EML6: variants seen among roughly 807,000 people sequenced by gnomAD.
EML6 encodes the protein EMAP like 6.
EML6 carries 154 observed loss-of-function variants against 240.1 expected under a neutral mutation model. The observed-to-expected ratio is 0.64, with a 90% confidence interval of 0.56 to 0.73. The LOEUF (loss-of-function observed/expected upper bound fraction) is 0.73. EML6 is among the 30% of genes least tolerant of loss of function. The pLI, the probability that EML6 is intolerant of heterozygous loss-of-function variation, is 0.00. For missense variants in EML6, 2,964 were observed against 2,474.6 expected, an observed-to-expected ratio of 1.20 and a Z score of -4.20; for synonymous variants, 1,148 against 899.0, an observed-to-expected ratio of 1.28 and a Z score of -4.95.
At chr2:54,748,606 C>T (rs1488924440) in intron 2 of EML6, among the ~76,000 whole-genome samples, 2 of 152,044 alleles carry the variant, frequency 1.3e-5, no homozygotes, top group East Asian at 3.9e-4. Context: ...GTAGCCTACA[C>T]TGGAGTGCAG....
chr2:54,949,545 T>C (rs980726048), intron 29 of EML6, among the ~76,000 whole-genome samples: 1 of 152,152 alleles, frequency 6.6e-6, no homozygotes, highest in Non-Finnish European at 1.5e-5. Flanking sequence ...GAGACTAGGC[T>C]CTCATAAAGT....
chr2:54,962,415 G>A, intron 35 of EML6, 108 bp from the exon 36 acceptor site: 1 of 856,924 alleles, frequency 1.2e-6, no homozygotes, highest in Non-Finnish European at 1.8e-6. Flanking sequence ...TTCACCGGCA[G>A]TCATCATTCT....
intron 32 of EML6, among the ~76,000 whole-genome samples, chr2:54,956,369 T>G (rs1467601378): frequency 6.6e-6 from 1 of 151,684 alleles, no homozygotes; most frequent in Admixed American, 6.6e-5. Context: ...GTAATCTACC[T>G]GTTCAAATCC....
chr2:54,940,332 T>TA (rs528265994), intron 28 of EML6, among the ~76,000 whole-genome samples: 3 of 152,212 alleles, frequency 2.0e-5, no homozygotes, highest in Admixed American at 1.3e-4. Context: ...ACTGTGGGCT[T>TA]AAAAAAATTT....
At chr2:54,844,852 T>C (rs1402674345) in intron 8 of EML6, among the ~76,000 whole-genome samples, 6 of 152,358 alleles carry the variant, frequency 3.9e-5, no homozygotes, top group East Asian at 3.9e-4. Context: ...CAATGACTTA[T>C]GATTCCAGTA....
At chr2:54,956,664 T>C (rs1676248169) in intron 32 of EML6, among the ~76,000 whole-genome samples, 1 of 152,098 alleles carries the variant, frequency 6.6e-6, no homozygotes, top group South Asian at 2.1e-4. Flanking sequence ...AGAGATTCTG[T>C]TAGGGAGTAT....
intron 2 of EML6, among the ~76,000 whole-genome samples, chr2:54,777,721 C>G (rs1668663184): frequency 1.3e-5 from 2 of 152,254 alleles, no homozygotes; most frequent in Middle Eastern, 3.4e-3. Context: ...ATTTCAGGAG[C>G]AGGAGGAGCC....
Position 54,850,235 on chromosome 2 carries a change from C to A in EML6, c.1444+17C>A, listed in dbSNP as rs1365085950. ...GAATGCCATGTAAGTCATGTGGAGG[C>A]CTTGGATGTTTCTGGAAAGCAAAAT... On this transcript the variant is annotated intron_variant, in intron 10 of 41. Transcript: ENST00000356458. The A allele has an allele frequency of 6.5e-7, 1 of 1,544,118 alleles. No individual in the cohort carries two copies. The highest frequency in any genetic ancestry group is 8.8e-7 in the Non-Finnish European group (1 of 1,141,432).
chr2:54,830,411 G>T (rs1668810698), intron 7 of EML6, among the ~76,000 whole-genome samples: 1 of 152,138 alleles, frequency 6.6e-6, no homozygotes, highest in Non-Finnish European at 1.5e-5. Context: ...TTGTTGTGAA[G>T]GGGAATCTTT....
intron 2 of EML6, among the ~76,000 whole-genome samples, chr2:54,771,022 T>C (rs1171234921): frequency 2.0e-5 from 3 of 152,158 alleles, no homozygotes; most frequent in African/African-American, 7.2e-5. Flanking sequence ...TCAAAGGCTC[T>C]GTTTTGGGTT....
At chr2:54,780,648 G>C (rs1237645017) in intron 2 of EML6, among the ~76,000 whole-genome samples, 2 of 152,138 alleles carry the variant, frequency 1.3e-5, no homozygotes, top group Non-Finnish European at 2.9e-5. Context: ...TAATAATTTT[G>C]ATTCCTTAGG....
chr2:54,824,922 C>G (rs1668515571), intron 5 of EML6, among the ~76,000 whole-genome samples: 1 of 152,160 alleles, frequency 6.6e-6, no homozygotes, highest in African/African-American at 2.4e-5. Flanking sequence ...CACTGTTTTC[C>G]AAGTAGGAAA....
At chr2:54,782,558 A>T (rs1045260508) in intron 2 of EML6, among the ~76,000 whole-genome samples, 1 of 152,136 alleles carries the variant, frequency 6.6e-6, no homozygotes, top group African/African-American at 2.4e-5. Flanking sequence ...AACACTGATT[A>T]TCTGTTACTT....
At chr2:54,813,518 A>C (rs899751487) in intron 3 of EML6, 127 bp downstream of exon 3, 1 of 813,552 alleles carries the variant, frequency 1.2e-6, no homozygotes, top group Admixed American at 2.8e-5. Context: ...GCCTCCTAGA[A>C]TTTTTCACCT....
intron 5 of EML6, among the ~76,000 whole-genome samples, chr2:54,827,128 G>C (rs1236882878): frequency 6.6e-6 from 1 of 152,192 alleles, no homozygotes; most frequent in Non-Finnish European, 1.5e-5. Flanking sequence ...AGCTGAGATG[G>C]CGCCATTGCA....
At chr2:54,735,588 A>T (rs1477922124) in intron 2 of EML6, among the ~76,000 whole-genome samples, 2 of 152,226 alleles carry the variant, frequency 1.3e-5, no homozygotes, top group Non-Finnish European at 2.9e-5. Flanking sequence ...ATACTTCTCT[A>T]CTGGCCTAGA....
chr2:54,850,870 A>G (rs368063660), intron 10 of EML6, among the ~76,000 whole-genome samples: 11 of 152,236 alleles, frequency 7.2e-5, no homozygotes, highest in African/African-American at 2.4e-4. Context: ...AAGAACTTGA[A>G]TAAATTAAAC....
chr2:54,832,214 C>G (rs988651337), intron 7 of EML6, among the ~76,000 whole-genome samples: 3 of 152,226 alleles, frequency 2.0e-5, no homozygotes, highest in Admixed American at 6.5e-5. Flanking sequence ...CTGGCCCACC[C>G]ATTGCTTCCA....
At chr2:54,842,497 A>G (rs920430851) in intron 7 of EML6, among the ~76,000 whole-genome samples, 2 of 152,172 alleles carry the variant, frequency 1.3e-5, no homozygotes, top group Non-Finnish European at 2.9e-5. Context: ...CCAGCAAGGA[A>G]AGAATACTCC....
Sources: gnomAD v4.1 joint callset for allele counts (sites outside exome capture counted in the v4.1 genomes callset) on GRCh38, gnomAD v4.1.1 for gene constraint, MANE v1.5 for transcripts, NCBI Gene and HGNC (gene_info 2026-07-23, HGNC 2026-07-21) for gene names.